The following ABCA8 variants were observed in gnomAD, a reference collection of about 807,000 sequenced individuals.
ABCA8 encodes the protein ABC-type organic anion transporter ABCA8.
Under a neutral mutation model 192.3 loss-of-function variants are expected in ABCA8, and 177 were observed. The ratio of observed to expected loss-of-function variants is 0.92; its 90% CI spans 0.81 to 1.04. ABCA8 has a LOEUF of 1.04. ABCA8 is among the 50% of genes least tolerant of loss of function. The pLI is 0.00. For synonymous variants in ABCA8, 642 were observed against 690.2 expected, an observed-to-expected ratio of 0.93 and a Z score of 1.09; for missense variants, 1,915 against 1,904.8, an observed-to-expected ratio of 1.01 and a Z score of -0.10.
At chr17:68,900,827 A>G (rs2066889570) in intron 21 of ABCA8, among the ~76,000 whole-genome samples, 1 of 152,270 alleles carries the variant, frequency 6.6e-6, no homozygotes, top group East Asian at 1.9e-4. Context: ...CTCAGTAGAC[A>G]CAGAGAAAAC....
At chr17:68,934,817 C>T (rs186443257) in intron 5 of ABCA8, among the ~76,000 whole-genome samples, 80 of 152,196 alleles carry the variant, frequency 5.3e-4, no homozygotes, top group Middle Eastern at 6.8e-3. Context: ...GTCAATACTT[C>T]GAATTGTTCT....
chr17:68,919,247 T>C lies in ABCA8; in HGVS notation c.1788+54A>G, dbSNP rs183110060. On this transcript the variant is annotated intron_variant, in intron 14 of 39. Transcript: ENST00000586539. The stretch of plus-strand genomic sequence containing the variant: ...ATTTAAAATTAAAACTCAGTGCAAA[T>C]GGTTTTAATAATCTCATTTTGACCA... 1.1e-4 allele frequency: 156 copies of C among 1,453,116 alleles called. No individual in the cohort carries two copies. In the East Asian group the frequency reaches 3.1e-3, roughly 29 times the overall value. 90.0% of individuals were successfully genotyped at this position (1,453,116 alleles called of 1,614,324 possible). A position where few individuals can be genotyped will look rare whatever the true frequency, so the allele number is the denominator to read the frequency against.
At chr17:68,949,921 A>G (rs1037535765) in intron 1 of ABCA8, among the ~76,000 whole-genome samples, 1 of 152,196 alleles carries the variant, frequency 6.6e-6, no homozygotes, top group African/African-American at 2.4e-5. Flanking sequence ...CCTATTCAAC[A>G]TAGTATTGGA....
At chr17:68,910,683 C>T (rs1467597732) in intron 17 of ABCA8, among the ~76,000 whole-genome samples, 1 of 152,138 alleles carries the variant, frequency 6.6e-6, no homozygotes, top group Non-Finnish European at 1.5e-5. Flanking sequence ...GAGACTCCCT[C>T]CTTCTGTTGA....
Position 68,911,797 on chromosome 17 carries a change from G to C in ABCA8, c.2139-3918C>G, listed in dbSNP as rs1027673071. On this transcript the variant is annotated intron_variant, in intron 17 of 39. Transcript: ENST00000586539. The surrounding 1 kb of genome is among the most constrained non-coding windows in gnomAD (Gnocchi z 5.7). ...CCATTTGGAGAAAGATAAGGGAAGG[G>C]AACAAGCATCTCTGCCTGGTAATCC... Among the ~76,000 whole-genome samples, 1 of 151,798 alleles carries C rather than the reference G, an allele frequency of 6.6e-6. No individual in the cohort carries two copies. Among genetic ancestry groups the C allele is most frequent in the African/African-American group, 2.4e-5 (1 of 41,394 alleles).
At chr17:68,935,116 ACT>A (rs1025872201) in intron 5 of ABCA8, among the ~76,000 whole-genome samples, 3 of 138,358 alleles carry the variant, frequency 2.2e-5, no homozygotes, top group Admixed American at 7.8e-5. Context: ...ATGGAGTCTC[ACT>A]CTGTCACTCA....
intron 24 of ABCA8, among the ~76,000 whole-genome samples, chr17:68,887,944 T>TA (rs1491189377): frequency 7.0e-5 from 5 of 71,012 alleles, no homozygotes; most frequent in Admixed American, 1.7e-4. Flanking sequence ...GATATATATA[T>TA]TATATATATG....
At position 68,902,898 on chromosome 17, in the gene ABCA8, C is replaced by A. The variant is rs775510161; in HGVS notation, c.2598-19G>T. 1.3e-6 allele frequency: 2 copies of A among 1,597,620 alleles called. No individual in the cohort carries two copies. Among genetic ancestry groups the A allele is most frequent in the East Asian group, 2.2e-5 (1 of 44,672 alleles). ...TAATAGCCTACACAAAAGAAAATTG[C>A]CAAAATGAATGCAATGTCATTTCCT... On this transcript the variant is annotated intron_variant, in intron 20 of 39. Transcript: ENST00000586539.
intron 2 of ABCA8, among the ~76,000 whole-genome samples, chr17:68,946,386 A>G (rs2068409232): frequency 6.6e-6 from 1 of 152,108 alleles, no homozygotes; most frequent in Non-Finnish European, 1.5e-5. Context: ...AAAATTTATT[A>G]CTTTTTCTTT....
In ABCA8 at chr17:68,955,372, T is replaced by G. The variant is rs183083733; in HGVS notation, c.-320A>C. The G allele has an allele frequency of 5.3e-5, 8 of 152,212 alleles. No homozygotes were observed. The highest frequency in any genetic ancestry group is 8.8e-5 in the Non-Finnish European group (6 of 68,034). The allele number at this position is 152,212 out of a possible 1,614,324, so 9.4% of individuals were successfully genotyped here. A position where few individuals can be genotyped will look rare whatever the true frequency, so the allele number is the denominator to read the frequency against. On this transcript the variant is annotated 5_prime_UTR_variant, in exon 1 of 40. Coordinates refer to ENST00000586539, the MANE Select transcript of ABCA8 (RefSeq NM_001288985.2). ...TTCTGTGAAAAGTTTCTGTGAAGAC[T>G]GCTTTCAGAGTGGAGGTTATGATCT...
rs1322233697 is a variant in ABCA8, at chr17:68,902,730, A to C, written c.2747T>G (p.Leu916Arg). ...QQPHDPLTQL[L>R]IINKTGASID... ...CATTTTACCTGTTTTATTGATGATC[A>C]GTAGTTGAGTGAGAGGGTCATGTGG... Residue 916 changes from leucine (L) to arginine (R), a missense_variant, in exon 21 of 40, where the codon CTG (leucine) becomes CGG (arginine). Leu to Arg is a moderately radical substitution (Grantham distance 102, BLOSUM62 -2). Coordinates refer to ENST00000586539, the MANE Select transcript of ABCA8 (RefSeq NM_001288985.2). 1.2e-6 allele frequency: 2 copies of C among 1,613,374 alleles called. No homozygotes were observed. The highest frequency in any genetic ancestry group is 1.7e-5 in the Admixed American group (1 of 60,008).
chr17:68,919,487 G>C lies in ABCA8; in HGVS notation c.1613-11C>G. On this transcript the variant is annotated splice_polypyrimidine_tract_variant and intron_variant, in intron 13 of 39. Transcript: ENST00000586539. ...AGATGGTGACTGAACCTGTAACAAA[G>C]GAAAAGTTAATATCAAGATAAGGCT... is the stretch of plus-strand genomic sequence containing the variant. The C allele has an allele frequency of 6.2e-7, 1 of 1,604,862 alleles. No individual in the cohort carries two copies. Among genetic ancestry groups the C allele is most frequent in the Non-Finnish European group, 8.5e-7 (1 of 1,174,358 alleles).
intron 23 of ABCA8, among the ~76,000 whole-genome samples, chr17:68,893,721 C>CT (rs5821690): frequency 0.26 from 32,974 of 127,608 alleles, 4,517 homozygotes; most frequent in African/African-American, 0.36. Context: ...TTCATATTCT[C>CT]TTTTTTTTTT....
intron 14 of ABCA8, among the ~76,000 whole-genome samples, chr17:68,918,930 C>CAAAAAAAAAAAAAAAAAAAA (rs34377045): frequency 2.2e-5 from 1 of 45,954 alleles, no homozygotes; most frequent in African/African-American, 7.7e-5. Context: ...AACTCTGTCT[C>CAAAAAAAAAAAAAAAAAAAA]AAAAAAAAAA....
chr17:68,944,824 C>T (rs1170314967), intron 2 of ABCA8: 1 of 152,180 alleles, frequency 6.6e-6, no homozygotes, highest in Non-Finnish European at 1.5e-5. Flanking sequence ...AAGGACCCAG[C>T]ACGGATACAA....
intron 14 of ABCA8, among the ~76,000 whole-genome samples, chr17:68,918,930 CAAAAAAAAA>C (rs34377045): frequency 6.5e-5 from 3 of 45,954 alleles, no homozygotes; most frequent in East Asian, 1.4e-3. Context: ...AACTCTGTCT[CAAAAAAAAA>C]AAAAAAAAAA....
chr17:68,879,026 A>G (rs1243844882), intron 32 of ABCA8: 1 of 152,184 alleles, frequency 6.6e-6, no homozygotes, highest in Non-Finnish European at 1.5e-5. Context: ...ATCTTCTGCC[A>G]TAGAATTTAG....
At chr17:68,917,319 C>A in intron 17 of ABCA8, 42 bp downstream of exon 17, 1 of 1,227,234 alleles carries the variant, frequency 8.1e-7, no homozygotes, top group Non-Finnish European at 1.2e-6. Context: ...AAGCATCAAG[C>A]CTTACACTAG....
chr17:68,911,372 T>C lies in ABCA8; in HGVS notation c.2139-3493A>G, dbSNP rs1237921769. On this transcript the variant is annotated intron_variant, in intron 17 of 39. Coordinates refer to ENST00000586539, the MANE Select transcript of ABCA8 (RefSeq NM_001288985.2). The surrounding 1 kb of genome is among the most constrained non-coding windows in gnomAD (Gnocchi z 5.7). ...CCTTCTCCTTGAGGAGAGGGAAGAG[T>C]GGGAAGACTTTGTCTTCTGGTTTGG... 1.3e-5 allele frequency among the ~76,000 whole-genome samples: 2 copies of C among 150,044 alleles called. No individual in the cohort carries two copies. The highest frequency in any genetic ancestry group is 3.0e-5 in the Non-Finnish European group (2 of 67,768).
Sources: gnomAD v4.1 joint callset for allele counts (sites outside exome capture counted in the v4.1 genomes callset) on GRCh38, gnomAD v4.1.1 for gene constraint, Gnocchi (gnomAD v3.1) non-coding constraint, MANE v1.5 for transcripts, NCBI Gene and HGNC (gene_info 2026-07-23, HGNC 2026-07-21) for gene names.